LRP6: variants seen among roughly 807,000 people sequenced by gnomAD.
LRP6 encodes LDL receptor related protein 6, also known as low-density lipoprotein receptor-related protein 6.
LRP6 carries 43 observed loss-of-function variants against 184.1 expected under a neutral mutation model. The ratio of observed to expected loss-of-function variants is 0.23; its 90% CI spans 0.18 to 0.30. The LOEUF (loss-of-function observed/expected upper bound fraction) is 0.30, where lower values mean the gene tolerates loss of function less well. Ranked by LOEUF, LRP6 falls within the 10% of genes least tolerant of loss-of-function variation. LRP6 has a pLI of 1.00. For synonymous variants in LRP6, 719 were observed against 684.9 expected (o/e 1.05, Z -0.78); for missense variants, 1,571 against 2,005.3 (o/e 0.78, Z 4.14).
At chr12:12,131,693 G>C in intron 18 of LRP6, 128 bp downstream of exon 18, 1 of 788,820 alleles carries the variant, frequency 1.3e-6, no homozygotes, top group Admixed American at 1.7e-5. Flanking sequence ...ATGGCACTAT[G>C]ATCAGAAGTG....
intron 7 of LRP6, among the ~76,000 whole-genome samples, chr12:12,175,670 G>C (rs1417235437): frequency 6.6e-6 from 1 of 150,928 alleles, no homozygotes; most frequent in Non-Finnish European, 1.5e-5. Flanking sequence ...CAGCCTGGAC[G>C]ACAGAGCGAG....
At chr12:12,204,689 G>A (rs1428458994) in intron 2 of LRP6, among the ~76,000 whole-genome samples, 2 of 151,934 alleles carry the variant, frequency 1.3e-5, no homozygotes, top group East Asian at 3.9e-4. Context: ...TTGGGAGGTC[G>A]AGGCACCTGT....
chr12:12,266,195 G>A (rs1865753988), intron 1 of LRP6, among the ~76,000 whole-genome samples: 1 of 152,126 alleles, frequency 6.6e-6, no homozygotes, highest in South Asian at 2.1e-4. Flanking sequence ...CTGTAACAAG[G>A]CCTGGAAAAA....
chr12:12,171,529 A>T (rs1013729644), intron 7 of LRP6, among the ~76,000 whole-genome samples: 1 of 78,520 alleles, frequency 1.3e-5, no homozygotes, highest in Non-Finnish European at 2.3e-5. Flanking sequence ...CTCAAAAAAA[A>T]ATAAAATAAA....
At chr12:12,199,373 G>T (rs1286638178) in intron 3 of LRP6, among the ~76,000 whole-genome samples, 1 of 151,254 alleles carries the variant, frequency 6.6e-6, no homozygotes, top group African/African-American at 2.4e-5. Flanking sequence ...ACTTTGAAGT[G>T]AAAAAAAAGG....
At chr12:12,154,265 C>G (rs992889362) in intron 12 of LRP6, among the ~76,000 whole-genome samples, 2 of 39,922 alleles carry the variant, frequency 5.0e-5, no homozygotes, top group African/African-American at 2.7e-4. Context: ...GGCCTTCTCC[C>G]AGTATCCGCA....
At chr12:12,131,415 T>A (rs1949755350) in intron 18 of LRP6, among the ~76,000 whole-genome samples, 1 of 152,164 alleles carries the variant, frequency 6.6e-6, no homozygotes, top group African/African-American at 2.4e-5. Context: ...GCTTATTCTT[T>A]ACATTAAATT....
chr12:12,125,891 A>G (rs1329829096), intron 20 of LRP6, among the ~76,000 whole-genome samples: 1 of 152,260 alleles, frequency 6.6e-6, no homozygotes. Flanking sequence ...CAAAACTACC[A>G]GTGCTAAAGA....
chr12:12,194,633 G>A (rs1302018681), intron 3 of LRP6, among the ~76,000 whole-genome samples: 1 of 152,006 alleles, frequency 6.6e-6, no homozygotes, highest in African/African-American at 2.4e-5. Flanking sequence ...ACACATATTT[G>A]TGGGGTACAC....
chr12:12,251,945 T>C (rs1565717578), intron 1 of LRP6, among the ~76,000 whole-genome samples: 4 of 152,010 alleles, frequency 2.6e-5, no homozygotes, highest in African/African-American at 7.2e-5. Context: ...TCATGGCTCA[T>C]TGCAACGGCA....
intron 16 of LRP6, among the ~76,000 whole-genome samples, chr12:12,137,713 C>A (rs1313443453): frequency 6.6e-6 from 1 of 151,850 alleles, no homozygotes; most frequent in East Asian, 1.9e-4. Flanking sequence ...CCCAAAGGAA[C>A]TGAAGGAGAG....
At position 12,255,566 on chromosome 12, in the gene LRP6, C is replaced by CTTTTTT. The variant is rs749441005; in HGVS notation, c.56-10917_56-10912dup. 5.6e-4 allele frequency among the ~76,000 whole-genome samples: 64 copies of CTTTTTT among 114,136 alleles called. 2 individuals are homozygous for CTTTTTT. The highest frequency in any genetic ancestry group is 2.0e-3 in the African/African-American group (56 of 28,252). 74.9% of individuals were successfully genotyped at this position (114,136 alleles called of 152,430 possible). A position where few individuals can be genotyped will look rare whatever the true frequency, so the allele number is the denominator to read the frequency against. ...TTGTTTTTGCTTTTGGGTTTGGTCA[C>CTTTTTT]TTTTTTTTTTTTTTTTTTTTTTGAG... On this transcript the variant is annotated intron_variant, in intron 1 of 22. Transcript: ENST00000261349.
At chr12:12,159,543 T>G (rs1174685851) in intron 11 of LRP6, among the ~76,000 whole-genome samples, 1 of 152,124 alleles carries the variant, frequency 6.6e-6, no homozygotes, top group Non-Finnish European at 1.5e-5. Flanking sequence ...CAGGAGTATC[T>G]AGGGAGTTAT....
chr12:12,246,874 A>G (rs1865200569), intron 1 of LRP6, among the ~76,000 whole-genome samples: 1 of 152,248 alleles, frequency 6.6e-6, no homozygotes, highest in Non-Finnish European at 1.5e-5. Context: ...TGTGTCTGTC[A>G]AATAGTTATA....
At chr12:12,204,996 C>A (rs181267552) in intron 2 of LRP6, among the ~76,000 whole-genome samples, 1 of 151,494 alleles carries the variant, frequency 6.6e-6, no homozygotes, top group East Asian at 1.9e-4. Flanking sequence ...TAGAAAAACT[C>A]TTTAATGTAT....
chr12:12,255,566 CTTTTTTT>C (rs749441005), intron 1 of LRP6, among the ~76,000 whole-genome samples: 3 of 114,132 alleles, frequency 2.6e-5, no homozygotes, highest in African/African-American at 7.1e-5. Context: ...GGTTTGGTCA[CTTTTTTT>C]TTTTTTTTTT....
At position 12,151,381 on chromosome 12, in the gene LRP6, A is replaced by G. The variant is rs536875174; in HGVS notation, c.2792-343T>C. 7.1e-4 allele frequency among the ~76,000 whole-genome samples: 108 copies of G among 151,610 alleles called. 2 individuals carry two copies. The highest frequency in any genetic ancestry group is 1.4e-3 in the Non-Finnish European group (96 of 67,922). On this transcript the variant is annotated intron_variant, in intron 12 of 22. Transcript: ENST00000261349. ...CTACCAAGTGAATAACCCTTAACCT[A>G]TTCTGTCTGGTGGGTGGCAGGAAGC...
chr12:12,164,145 A>T (rs1862811313), intron 9 of LRP6, 128 bp downstream of exon 9: 3 of 824,574 alleles, frequency 3.6e-6, no homozygotes, highest in African/African-American at 1.7e-5. Flanking sequence ...AAAAAAAAAA[A>T]CTTGAGGGTT....
intron 1 of LRP6, among the ~76,000 whole-genome samples, chr12:12,259,262 C>CA (rs535352023): frequency 0.17 from 9,934 of 58,500 alleles, 597 homozygotes; most frequent in Middle Eastern, 0.28. Flanking sequence ...GACTCCATCT[C>CA]AAAAAAAAAA....
Sources: gnomAD v4.1 joint callset for allele counts (sites outside exome capture counted in the v4.1 genomes callset) on GRCh38, gnomAD v4.1.1 for gene constraint, MANE v1.5 for transcripts, NCBI Gene and HGNC (gene_info 2026-07-23, HGNC 2026-07-21) for gene names.